The following IL17C variants were observed in gnomAD, a reference collection of about 807,000 sequenced individuals.
IL17C encodes the protein interleukin-17C.
Under a neutral mutation model 11.0 loss-of-function variants are expected in IL17C, and 13 were observed. The ratio of observed to expected loss-of-function variants is 1.18; its 90% CI spans 0.77 to 1.88. IL17C has a LOEUF of 1.88. IL17C is among the 40% of genes most tolerant of loss of function. The pLI is 0.00. For synonymous variants in IL17C, 150 were observed against 125.8 expected (o/e 1.19, Z -1.29); for missense variants, 357 against 278.2 (o/e 1.28, Z -2.01).
rs11465493 is a variant in IL17C, at chr16:88,639,462, G to A, written c.335+153G>A. Among the ~76,000 whole-genome samples, 13 of 152,166 alleles carry A rather than the reference G, an allele frequency of 8.5e-5. No individual in the cohort carries two copies. Among genetic ancestry groups the A allele is most frequent in the African/African-American group, 1.9e-4 (8 of 41,430 alleles). ...TCCCTCCGGCCCTCCTGACCTGGAC[G>A]GCTGAGCTGCTGCTTGCGGCTGGCC... On this transcript the variant is annotated intron_variant, in intron 2 of 2. Transcript: ENST00000244241. The surrounding 1 kb of genome is among the most constrained non-coding windows in gnomAD (Gnocchi z 5.1).
chr16:88,638,920 T>C (rs1003687667), intron 1 of IL17C, 61 bp from the exon 2 acceptor site: 8 of 1,409,342 alleles, frequency 5.7e-6, no homozygotes, highest in Non-Finnish European at 7.8e-6. Context: ...AAAGCTGAGG[T>C]GGAAGTGAGG....
chr16:88,638,789 C>A, intron 1 of IL17C, 142 bp downstream of exon 1: 1 of 1,356,126 alleles, frequency 7.4e-7, no homozygotes, highest in Non-Finnish European at 1.0e-6. Context: ...GGGGAGGCAG[C>A]TGCAGATCCT....
In IL17C at chr16:88,639,697, C is replaced by T. The variant is rs1693149164; in HGVS notation, c.336-117C>T. Reference sequence around the variant, plus strand: ...CCGACTGCACCCCAAGCCCGTGTGGCTCAGCCCTCGCTGCCTCAGGTCCTA... The same window carrying T: ...CCGACTGCACCCCAAGCCCGTGTGGTTCAGCCCTCGCTGCCTCAGGTCCTA... On this transcript the variant is annotated intron_variant, in intron 2 of 2. Coordinates refer to ENST00000244241, the MANE Select transcript of IL17C (RefSeq NM_013278.4). The surrounding 1 kb of genome is among the most constrained non-coding windows in gnomAD (Gnocchi z 5.1). The T allele has an allele frequency of 7.8e-7, 1 of 1,281,930 alleles. No homozygotes were observed. Among genetic ancestry groups the T allele is most frequent in the East Asian group, 2.6e-5 (1 of 38,744 alleles). 79.4% of individuals were successfully genotyped at this position (1,281,930 alleles called of 1,614,324 possible).
In IL17C at chr16:88,639,578, G is replaced by C. The variant is rs940835176; in HGVS notation, c.336-236G>C. Among the ~76,000 whole-genome samples the C allele has an allele frequency of 6.6e-6, 1 of 152,170 alleles. No homozygotes were observed. Among genetic ancestry groups the C allele is most frequent in the Non-Finnish European group, 1.5e-5 (1 of 68,012 alleles). On this transcript the variant is annotated intron_variant, in intron 2 of 2. Coordinates refer to ENST00000244241, the MANE Select transcript of IL17C (RefSeq NM_013278.4). This position sits in a 1 kb window ranked among gnomAD's most constrained non-coding sequence, Gnocchi z 5.1. ...AGCTCCTGCAGAAGTGGGGCTGGGT[G>C]ATGAAGTGGAAGGGAGGCTCCTAGA...
chr16:88,640,217 C>G lies in IL17C; in HGVS notation c.*145C>G, dbSNP rs529666602. Reference sequence around the variant, plus strand: ...TTCCCCGTGTCTGGAGGACAGCCCCCCACTGTTCTCCTCATCTCCAGCCTC... The same window carrying G: ...TTCCCCGTGTCTGGAGGACAGCCCCGCACTGTTCTCCTCATCTCCAGCCTC... On this transcript the variant is annotated 3_prime_UTR_variant, in exon 3 of 3. Coordinates refer to ENST00000244241, the MANE Select transcript of IL17C (RefSeq NM_013278.4). 2.7e-5 allele frequency: 23 copies of G among 852,638 alleles called. No homozygotes were observed. Among genetic ancestry groups the G allele is most frequent in the Admixed American group, 2.6e-4 (8 of 31,274 alleles). 52.8% of individuals were successfully genotyped at this position (852,638 alleles called of 1,614,324 possible). A position where few individuals can be genotyped will look rare whatever the true frequency, so the allele number is the denominator to read the frequency against.
Position 88,639,147 on chromosome 16 carries a change from G to A in IL17C, c.173G>A (p.Trp58Ter). The A allele has an allele frequency of 1.2e-6, 2 of 1,612,914 alleles. No homozygotes were observed. Among genetic ancestry groups the A allele is most frequent in the Non-Finnish European group, 8.5e-7 (1 of 1,179,888 alleles). ...CACCTGCTGGCTCGAGGTGCCAAGTGGGGGCAGGCTTTGCCTGTAGCCCTG... is the reference window on the plus strand; with the variant it reads ...CACCTGCTGGCTCGAGGTGCCAAGTAGGGGCAGGCTTTGCCTGTAGCCCTG... ...PPHLLARGAK[W>*]GQALPVALVS... Residue 58 changes from tryptophan (W) to a stop codon, truncating the protein, a stop_gained, in exon 2 of 3, where the codon TGG becomes TAG. Transcript: ENST00000244241. LOFTEE classifies it high-confidence loss of function. The surrounding 1 kb of genome is among the most constrained non-coding windows in gnomAD (Gnocchi z 5.1).
At chr16:88,638,918 G>A in intron 1 of IL17C, 63 bp from the exon 2 acceptor site, 1 of 1,401,898 alleles carries the variant, frequency 7.1e-7, no homozygotes, top group Non-Finnish European at 9.8e-7. Context: ...GGAAAGCTGA[G>A]GTGGAAGTGA....
Position 88,640,265 on chromosome 16 carries a change from T to C in IL17C, c.*193T>C. 1 of 583,082 alleles carries C rather than the reference T, an allele frequency of 1.7e-6. No individual in the cohort carries two copies. Among genetic ancestry groups the C allele is most frequent in the South Asian group, 2.6e-5 (1 of 37,914 alleles). The allele number at this position is 583,082 out of a possible 1,614,324, so 36.1% of individuals were successfully genotyped here. Reference sequence around the variant, plus strand: ...CTCAGTAGTTGGGGGTAGAAGGAGCTCAGCACCTCTTCCAGCCCTTAAAGC... The same window carrying C: ...CTCAGTAGTTGGGGGTAGAAGGAGCCCAGCACCTCTTCCAGCCCTTAAAGC... On this transcript the variant is annotated 3_prime_UTR_variant, in exon 3 of 3. Transcript: ENST00000244241.
In IL17C at chr16:88,639,971, C is replaced by G; in HGVS notation, c.493C>G (p.Arg165Gly). 6.2e-7 allele frequency: 1 copy of G among 1,609,908 alleles called. No homozygotes were observed. Among genetic ancestry groups the G allele is most frequent in the Non-Finnish European group, 8.5e-7 (1 of 1,178,496 alleles). The stretch of plus-strand genomic sequence containing the variant: ...GGTGCTGCGCCGCCGGCCCTGCTCC[C>G]GCGACGGCTCGGGGCTCCCCACACC... ...LLVLRRRPCS[R>G]DGSGLPTPGA... Residue 165 changes from arginine (R) to glycine (G), a missense_variant, in exon 3 of 3, where the codon CGC becomes GGC. Coordinates refer to ENST00000244241, the MANE Select transcript of IL17C (RefSeq NM_013278.4). This position sits in a 1 kb window ranked among gnomAD's most constrained non-coding sequence, Gnocchi z 5.1.
intron 1 of IL17C, 39 bp from the exon 2 acceptor site, chr16:88,638,942 C>G (rs1421289277): frequency 4.0e-6 from 6 of 1,503,812 alleles, no homozygotes; most frequent in Non-Finnish European, 3.6e-6. Context: ...GCCCCCTGCC[C>G]TGGGCACCTC....
In IL17C at chr16:88,639,115, C is replaced by A. The variant is rs1051719261; in HGVS notation, c.141C>A (p.Ala47=). The A allele has an allele frequency of 1.9e-6, 3 of 1,612,980 alleles. No individual in the cohort carries two copies. The highest frequency in any genetic ancestry group is 2.7e-5 in the African/African-American group (2 of 74,924). ...CTGAGGAACTGCCCCTCGGCCAGGC[C>A]CCCCCACACCTGCTGGCTCGAGGTG... is the stretch of plus-strand genomic sequence containing the variant. ...YSAEELPLGQ[A]PPHLLARGAK... The change falls in exon 2 of 3, where the codon GCC becomes GCA. Residue 47 remains alanine (A), a synonymous_variant. Coordinates refer to ENST00000244241, the MANE Select transcript of IL17C (RefSeq NM_013278.4). The surrounding 1 kb of genome is among the most constrained non-coding windows in gnomAD (Gnocchi z 5.1).
chr16:88,639,607 C>T lies in IL17C; in HGVS notation c.336-207C>T, dbSNP rs1421359667. ...AAGTGGAAGGGAGGCTCCTAGAGGC[C>T]TCCGGACCCTGCTCTGTGCTCTTGG... On this transcript the variant is annotated intron_variant, in intron 2 of 2. Transcript: ENST00000244241. The surrounding 1 kb of genome is among the most constrained non-coding windows in gnomAD (Gnocchi z 5.1). 6.6e-6 allele frequency among the ~76,000 whole-genome samples: 1 copy of T among 152,180 alleles called. No individual in the cohort carries two copies. Among genetic ancestry groups the T allele is most frequent in the Non-Finnish European group, 1.5e-5 (1 of 68,014 alleles).
In IL17C at chr16:88,640,422, T is replaced by C. The variant is rs1465921539; in HGVS notation, c.*350T>C. ...ACCTCCTTGGAAGTACCCCTGTTTC[T>C]TAAACAATTATTTAAGTGTACGTGT... is the stretch of plus-strand genomic sequence containing the variant. On this transcript the variant is annotated 3_prime_UTR_variant, in exon 3 of 3. Transcript: ENST00000244241. 1 of 287,074 alleles carries C rather than the reference T, an allele frequency of 3.5e-6. No homozygotes were observed. The highest frequency in any genetic ancestry group is 6.6e-6 in the Non-Finnish European group (1 of 152,518). The allele number at this position is 287,074 out of a possible 1,614,324, so 17.8% of individuals were successfully genotyped here. A position where few individuals can be genotyped will look rare whatever the true frequency, so the allele number is the denominator to read the frequency against.
At chr16:88,638,884 A>G (rs1906969882) in intron 1 of IL17C, 97 bp from the exon 2 acceptor site, 5 of 1,245,964 alleles carry the variant, frequency 4.0e-6, no homozygotes, top group Non-Finnish European at 5.7e-6. Flanking sequence ...GGAGGGCTGT[A>G]CTCCATCTTT....
Position 88,639,985 on chromosome 16 carries a change from G to A in IL17C, c.507G>A (p.Gly169=). 2 of 1,609,450 alleles carry A rather than the reference G, an allele frequency of 1.2e-6. 1 individual carries two copies. Among genetic ancestry groups the A allele is most frequent in the South Asian group, 2.2e-5 (2 of 90,842 alleles). Residue 169 remains glycine (G), a synonymous_variant, in exon 3 of 3, where the codon GGG becomes GGA. Coordinates refer to ENST00000244241, the MANE Select transcript of IL17C (RefSeq NM_013278.4). This position sits in a 1 kb window ranked among gnomAD's most constrained non-coding sequence, Gnocchi z 5.1. ...RRRPCSRDGS[G]LPTPGAFAFH... Reference sequence around the variant, plus strand: ...GGCCCTGCTCCCGCGACGGCTCGGGGCTCCCCACACCTGGGGCCTTTGCCT... The same window carrying A: ...GGCCCTGCTCCCGCGACGGCTCGGGACTCCCCACACCTGGGGCCTTTGCCT...
At position 88,639,123 on chromosome 16, in the gene IL17C, A is replaced by G; in HGVS notation, c.149A>G (p.His50Arg). 1 of 1,612,742 alleles carries G rather than the reference A, an allele frequency of 6.2e-7. No homozygotes were observed. The highest frequency in any genetic ancestry group is 8.5e-7 in the Non-Finnish European group (1 of 1,179,850). The change falls in exon 2 of 3, where the codon CAC becomes CGC. Residue 50 changes from histidine to arginine, a missense_variant. By Grantham distance (29) the His-to-Arg change is conservative. Coordinates refer to ENST00000244241, the MANE Select transcript of IL17C (RefSeq NM_013278.4). This position sits in a 1 kb window ranked among gnomAD's most constrained non-coding sequence, Gnocchi z 5.1. ...EELPLGQAPPHLLARGAKWGQ... is the reference protein window; with the variant it reads ...EELPLGQAPPRLLARGAKWGQ... Reference sequence around the variant, plus strand: ...CTGCCCCTCGGCCAGGCCCCCCCACACCTGCTGGCTCGAGGTGCCAAGTGG... The same window carrying G: ...CTGCCCCTCGGCCAGGCCCCCCCACGCCTGCTGGCTCGAGGTGCCAAGTGG...
Position 88,640,089 on chromosome 16 carries a change from G to T in IL17C, c.*17G>T, listed in dbSNP as rs757513495. On this transcript the variant is annotated 3_prime_UTR_variant, in exon 3 of 3. Transcript: ENST00000244241. ...TCAGTGTGACCGCCGAGGCCGTGGGGCCCCTAGACTGGACACGTGTGCTCC... is the reference window on the plus strand; with the variant it reads ...TCAGTGTGACCGCCGAGGCCGTGGGTCCCCTAGACTGGACACGTGTGCTCC... 1 of 1,531,740 alleles carries T rather than the reference G, an allele frequency of 6.5e-7. No individual in the cohort carries two copies. Among genetic ancestry groups the T allele is most frequent in the African/African-American group, 1.4e-5 (1 of 72,704 alleles). The allele number at this position is 1,531,740 out of a possible 1,614,324, so 94.9% of individuals were successfully genotyped here. A position where few individuals can be genotyped will look rare whatever the true frequency, so the allele number is the denominator to read the frequency against.
In IL17C at chr16:88,640,236, C is replaced by G; in HGVS notation, c.*164C>G. On this transcript the variant is annotated 3_prime_UTR_variant, in exon 3 of 3. Transcript: ENST00000244241. ...AGCCCCCCACTGTTCTCCTCATCTC[C>G]AGCCTCAGTAGTTGGGGGTAGAAGG... 1 of 730,612 alleles carries G rather than the reference C, an allele frequency of 1.4e-6. No individual in the cohort carries two copies. Among genetic ancestry groups the G allele is most frequent in the South Asian group, 2.1e-5 (1 of 46,918 alleles). The allele number at this position is 730,612 out of a possible 1,614,324, so 45.3% of individuals were successfully genotyped here. A position where few individuals can be genotyped will look rare whatever the true frequency, so the allele number is the denominator to read the frequency against.
rs1225234426 is a variant in IL17C, at chr16:88,639,303, G to A, written c.329G>A (p.Arg110Lys). ...CACCAGCGCTCCATCTCACCCTGGA[G>A]ATACCGGTGAGGACCTGGGGATTCC... ...DTHQRSISPW[R>K]YRVDTDEDRY... The change falls in exon 2 of 3, where the codon AGA (arginine) becomes AAA (lysine). Residue 110 changes from arginine to lysine, a missense_variant. Transcript: ENST00000244241. The surrounding 1 kb of genome is among the most constrained non-coding windows in gnomAD (Gnocchi z 5.1). 3 of 1,594,420 alleles carry A rather than the reference G, an allele frequency of 1.9e-6. No individual in the cohort carries two copies. Among genetic ancestry groups the A allele is most frequent in the African/African-American group, 1.3e-5 (1 of 74,720 alleles).
Sources: allele counts gnomAD v4.1 joint callset (sites outside exome capture counted in the v4.1 genomes callset), GRCh38; gene constraint gnomAD v4.1.1; non-coding constraint Gnocchi (gnomAD v3.1); transcripts MANE v1.5; gene names NCBI Gene and HGNC (gene_info 2026-07-23, HGNC 2026-07-21).